The following GRAMD1C variants were observed in gnomAD, a reference collection of about 807,000 sequenced individuals.
GRAMD1C encodes the protein GRAM domain containing 1C.
Under a neutral mutation model 97.8 loss-of-function variants are expected in GRAMD1C, and 89 were observed. That is an observed-to-expected ratio of 0.91 (90% CI 0.77 to 1.09). The LOEUF is 1.09. Among genes scored for constraint, GRAMD1C ranks in the 50% least tolerant of loss-of-function variants. The pLI, the probability that GRAMD1C is intolerant of heterozygous loss-of-function variation, is 0.00. For synonymous variants in GRAMD1C, 256 were observed against 267.0 expected, an observed-to-expected ratio of 0.96 and a Z score of 0.40; for missense variants, 740 against 766.4, an observed-to-expected ratio of 0.97 and a Z score of 0.41.
At chr3:113,935,871 A>G (rs945695261) in intron 13 of GRAMD1C, among the ~76,000 whole-genome samples, 2 of 152,198 alleles carry the variant, frequency 1.3e-5, no homozygotes, top group Non-Finnish European at 2.9e-5. Context: ...ACCTTTGTTG[A>G]AAATTAGAAC....
chr3:113,872,518 C>T (rs1934863421), intron 3 of GRAMD1C, among the ~76,000 whole-genome samples: 1 of 150,776 alleles, frequency 6.6e-6, no homozygotes, highest in Non-Finnish European at 1.5e-5. Context: ...TCTCAGCCTC[C>T]CGAGTAGCTG....
chr3:113,945,259 T>C, intron 17 of GRAMD1C, 139 bp from the exon 18 acceptor site: 2 of 629,694 alleles, frequency 3.2e-6, no homozygotes, highest in South Asian at 1.9e-5. Flanking sequence ...TCAGGTATTT[T>C]GTATTTAACG....
chr3:113,860,185 C>G (rs1934308548), intron 2 of GRAMD1C, among the ~76,000 whole-genome samples: 1 of 152,078 alleles, frequency 6.6e-6, no homozygotes, highest in African/African-American at 2.4e-5. Context: ...CCACGCCCAG[C>G]TAATTTTCGT....
chr3:113,908,453 A>G (rs1202617600), intron 8 of GRAMD1C, among the ~76,000 whole-genome samples: 2 of 152,090 alleles, frequency 1.3e-5, no homozygotes, highest in African/African-American at 4.8e-5. Flanking sequence ...TATGAAGTTA[A>G]TTTGTTTTAA....
In GRAMD1C at chr3:113,850,362, C is replaced by A. The variant is rs1297444562; in HGVS notation, c.174+5713C>A. ...GGCACAAAACTCCGTCTGTAGGTAT[C>A]TCTGTCGGCTTCCCCTTTTGTGAGT... On this transcript the variant is annotated intron_variant, in intron 2 of 17. Coordinates refer to ENST00000358160, the MANE Select transcript of GRAMD1C (RefSeq NM_017577.5). 3.6e-5 allele frequency: 28 copies of A among 780,048 alleles called. 1 individual carries two copies. In the Admixed American group the frequency reaches 4.8e-4, roughly 13 times the overall value. The allele number at this position is 780,048 out of a possible 1,614,324, so 48.3% of individuals were successfully genotyped here.
intron 2 of GRAMD1C, among the ~76,000 whole-genome samples, chr3:113,864,754 T>A (rs1367424454): frequency 6.6e-6 from 1 of 152,224 alleles, no homozygotes; most frequent in East Asian, 1.9e-4. Context: ...AGTTTCAGAC[T>A]TTCCCTAATC....
Position 113,876,189 on chromosome 3 carries a change from A to T in GRAMD1C, c.388A>T (p.Thr130Ser). The T allele has an allele frequency of 6.3e-7, 1 of 1,585,916 alleles. No homozygotes were observed. The highest frequency in any genetic ancestry group is 8.7e-7 in the Non-Finnish European group (1 of 1,155,830). ...TTISIALKNI[T>S]FMTKEKTARL... ...GATTTCTATTGCTTTAAAGAATATA[A>T]CCTTCATGACCAAGGAAAAAACTGC... Residue 130 changes from threonine to serine, a missense_variant, in exon 5 of 18, where the codon ACC (threonine) becomes TCC (serine). Coordinates refer to ENST00000358160, the MANE Select transcript of GRAMD1C (RefSeq NM_017577.5).
At chr3:113,861,366 T>C (rs1693717114) in intron 2 of GRAMD1C, among the ~76,000 whole-genome samples, 1 of 152,048 alleles carries the variant, frequency 6.6e-6, no homozygotes, top group Admixed American at 6.6e-5. Context: ...TAGTGCCATG[T>C]TTGGTTGTGT....
chr3:113,919,347 A>G (rs572847235), intron 10 of GRAMD1C: 2 of 495,680 alleles, frequency 4.0e-6, no homozygotes, highest in Non-Finnish European at 8.2e-6. Context: ...CCATCTCTTT[A>G]TAATGGAGAA....
chr3:113,930,970 A>G lies in GRAMD1C; in HGVS notation c.1209+138A>G, dbSNP rs547510251. The G allele has an allele frequency of 4.8e-5, 27 of 565,944 alleles. No homozygotes were observed. In the Middle Eastern group the frequency reaches 1.9e-3, roughly 40 times the overall value. The allele number at this position is 565,944 out of a possible 1,614,324, so 35.1% of individuals were successfully genotyped here. The stretch of plus-strand genomic sequence containing the variant: ...AGGGAGGAGAAACTGTTACAGGTTA[A>G]AAGAGACTTAAAAGGCATATGAATC... On this transcript the variant is annotated intron_variant, in intron 11 of 17. Transcript: ENST00000358160.
intron 1 of GRAMD1C, among the ~76,000 whole-genome samples, chr3:113,832,437 T>C (rs1709571415): frequency 6.6e-6 from 1 of 152,242 alleles, no homozygotes. Flanking sequence ...ACTACTTTTT[T>C]ATGTTATGGT....
At chr3:113,885,408 G>A in intron 6 of GRAMD1C, 1 of 1,576,642 alleles carries the variant, frequency 6.3e-7, no homozygotes, top group Non-Finnish European at 8.7e-7. Context: ...CGGTAATTCA[G>A]TACCAAACTG....
At chr3:113,914,686 T>A (rs1936737305) in intron 9 of GRAMD1C, among the ~76,000 whole-genome samples, 1 of 152,162 alleles carries the variant, frequency 6.6e-6, no homozygotes, top group Non-Finnish European at 1.5e-5. Flanking sequence ...CTTGGTTTTT[T>A]TTTTTTCTTT....
In GRAMD1C at chr3:113,934,429, TAG is replaced by T; in HGVS notation, c.1353_1354del. 7.5e-7 allele frequency: 1 copy of T among 1,333,112 alleles called. No homozygotes were observed. The highest frequency in any genetic ancestry group is 1.1e-6 in the Non-Finnish European group (1 of 941,238). 82.6% of individuals were successfully genotyped at this position (1,333,112 alleles called of 1,614,324 possible). On this transcript the variant is annotated splice_acceptor_variant, in intron 12 of 17. Transcript: ENST00000358160. LOFTEE classifies it high-confidence loss of function. The stretch of plus-strand genomic sequence containing the variant: ...AAATATTCTTTCCTTCTTATTCTAC[TAG>T]AGTTTCCACAGATTTGAAATACAGA...
At chr3:113,885,952 C>G (rs1327659358) in intron 6 of GRAMD1C, 5 of 1,610,572 alleles carry the variant, frequency 3.1e-6, no homozygotes, top group Non-Finnish European at 3.4e-6. Context: ...AACCTGCTCC[C>G]GATGCTGGAT....
chr3:113,915,624 C>A, intron 9 of GRAMD1C, 77 bp from the exon 10 acceptor site: 4 of 1,133,564 alleles, frequency 3.5e-6, no homozygotes, highest in East Asian at 2.4e-5. Flanking sequence ...AAAAGAAAAC[C>A]CCACGAAACC....
chr3:113,860,914 C>T (rs745911558), intron 2 of GRAMD1C, among the ~76,000 whole-genome samples: 16 of 150,492 alleles, frequency 1.1e-4, no homozygotes, highest in Admixed American at 2.7e-4. Flanking sequence ...TGCAGTGAGC[C>T]GAGATCATGC....
chr3:113,889,224 T>C (rs1234754993), intron 6 of GRAMD1C, among the ~76,000 whole-genome samples: 1 of 151,842 alleles, frequency 6.6e-6, no homozygotes, highest in Non-Finnish European at 1.5e-5. Context: ...ATCCACACAG[T>C]GGAATATCAT....
At chr3:113,929,106 A>G (rs541044703) in intron 10 of GRAMD1C, among the ~76,000 whole-genome samples, 119 of 152,280 alleles carry the variant, frequency 7.8e-4, no homozygotes, top group African/African-American at 2.7e-3. Flanking sequence ...AAAGTTTCCA[A>G]TTTATCCACA....
Sources: gnomAD v4.1 joint callset for allele counts (sites outside exome capture counted in the v4.1 genomes callset) on GRCh38, gnomAD v4.1.1 for gene constraint, MANE v1.5 for transcripts, NCBI Gene and HGNC (gene_info 2026-07-23, HGNC 2026-07-21) for gene names.